The following GABRG3 variants were observed in gnomAD, a reference collection of about 807,000 sequenced individuals.
The protein encoded by GABRG3 is gamma-aminobutyric acid receptor subunit gamma-3.
A neutral mutation model predicts 48.8 loss-of-function variants in GABRG3; 25 were observed. That is an observed-to-expected ratio of 0.51 (90% confidence interval 0.37 to 0.72). The LOEUF is 0.72. Ranked by LOEUF, GABRG3 falls within the 30% of genes least tolerant of loss-of-function variation. GABRG3 has a pLI of 0.00. For missense variants in GABRG3, 394 were observed against 577.9 expected, an observed-to-expected ratio of 0.68 and a Z score of 3.26; for synonymous variants, 227 against 217.6, an observed-to-expected ratio of 1.04 and a Z score of -0.38.
At chr15:27,491,714 C>T (rs1890359133) in intron 6 of GABRG3, among the ~76,000 whole-genome samples, 1 of 152,064 alleles carries the variant, frequency 6.6e-6, no homozygotes, top group South Asian at 2.1e-4. Context: ...AATGTCTATT[C>T]CTCAAAGAAG....
At chr15:27,393,920 A>T (rs1394665045) in intron 5 of GABRG3, among the ~76,000 whole-genome samples, 1 of 152,194 alleles carries the variant, frequency 6.6e-6, no homozygotes, top group Non-Finnish European at 1.5e-5. Flanking sequence ...ATAAATTATC[A>T]TTATTGGATT....
chr15:27,353,723 G>T (rs142381906), intron 5 of GABRG3, among the ~76,000 whole-genome samples: 1,550 of 152,248 alleles, frequency 0.01, 29 homozygotes, highest in African/African-American at 0.035. Context: ...GATTACAGGG[G>T]TGAGCCGTGG....
chr15:27,439,481 G>A (rs1283862488), intron 5 of GABRG3, among the ~76,000 whole-genome samples: 2 of 151,978 alleles, frequency 1.3e-5, no homozygotes, highest in Non-Finnish European at 2.9e-5. Context: ...TCCCCCTACA[G>A]ACAAACACTA....
intron 3 of GABRG3, among the ~76,000 whole-genome samples, chr15:27,251,128 C>T (rs1402195522): frequency 1.3e-5 from 2 of 152,182 alleles, no homozygotes; most frequent in African/African-American, 4.8e-5. Context: ...GGAAGGTCAA[C>T]CTTGTTGTTC....
At chr15:27,127,307 T>A (rs1897838151) in intron 3 of GABRG3, among the ~76,000 whole-genome samples, 1 of 152,154 alleles carries the variant, frequency 6.6e-6, no homozygotes, top group Non-Finnish European at 1.5e-5. Context: ...ATAATATGCA[T>A]GAACCTTGAG....
At chr15:27,416,844 C>G (rs112597481) in intron 5 of GABRG3, among the ~76,000 whole-genome samples, 50 of 152,302 alleles carry the variant, frequency 3.3e-4, no homozygotes, top group African/African-American at 1.1e-3. Flanking sequence ...AGAAGAGTTA[C>G]TGATTTTCAG....
At chr15:27,320,192 A>G (rs550154056) in intron 3 of GABRG3, among the ~76,000 whole-genome samples, 69 of 152,310 alleles carry the variant, frequency 4.5e-4, no homozygotes, top group Non-Finnish European at 7.9e-4. Context: ...ACTGCTTGTG[A>G]TATTTACAAG....
chr15:27,361,378 T>C (rs1460007308), intron 5 of GABRG3, among the ~76,000 whole-genome samples: 3 of 152,182 alleles, frequency 2.0e-5, no homozygotes, highest in African/African-American at 7.2e-5. Context: ...GCCTTGGGAT[T>C]CTGAATTAAC....
chr15:27,411,062 A>G (rs752349765), intron 5 of GABRG3, among the ~76,000 whole-genome samples: 1 of 152,112 alleles, frequency 6.6e-6, no homozygotes, highest in Non-Finnish European at 1.5e-5. Context: ...ATAGATCTTC[A>G]GTTAGATATT....
intron 3 of GABRG3, among the ~76,000 whole-genome samples, chr15:27,034,757 A>C (rs983627056): frequency 6.6e-6 from 1 of 152,164 alleles, no homozygotes; most frequent in Non-Finnish European, 1.5e-5. Context: ...GCCCTTGTAA[A>C]TATGTGTCAA....
chr15:26,985,481 A>T (rs1018611061), intron 2 of GABRG3, among the ~76,000 whole-genome samples: 7 of 152,202 alleles, frequency 4.6e-5, no homozygotes, highest in African/African-American at 1.4e-4. Context: ...CTTGAATTAT[A>T]ATTTTTAAAT....
At chr15:27,350,171 C>T (rs1464228717) in intron 5 of GABRG3, 4 of 455,938 alleles carry the variant, frequency 8.8e-6, no homozygotes, top group African/African-American at 2.0e-5. Flanking sequence ...ATATCGCTGA[C>T]GTTTAAAAGT....
intron 3 of GABRG3, among the ~76,000 whole-genome samples, chr15:27,194,336 T>G (rs1445907954): frequency 2.0e-5 from 3 of 152,362 alleles, no homozygotes; most frequent in African/African-American, 4.8e-5. Flanking sequence ...ATTTTTATCC[T>G]TACTCTTACA....
chr15:27,086,320 T>A (rs115172905), intron 3 of GABRG3, among the ~76,000 whole-genome samples: 1 of 150,292 alleles, frequency 6.7e-6, no homozygotes, highest in African/African-American at 2.5e-5. Context: ...CAGGTCAGAG[T>A]TCTGCGCATT....
chr15:27,200,800 G>A (rs897422953), intron 3 of GABRG3, among the ~76,000 whole-genome samples: 3 of 152,110 alleles, frequency 2.0e-5, no homozygotes, highest in Admixed American at 1.3e-4. Flanking sequence ...TCGAGCCCAG[G>A]TGTGCTACCC....
chr15:27,484,649 A>G (rs957037068), intron 6 of GABRG3, among the ~76,000 whole-genome samples: 6 of 152,140 alleles, frequency 3.9e-5, no homozygotes, highest in African/African-American at 1.4e-4. Context: ...GAGAAGTGGC[A>G]GATTGTGAGG....
intron 3 of GABRG3, among the ~76,000 whole-genome samples, chr15:27,220,363 A>G (rs1479868675): frequency 3.3e-5 from 5 of 152,170 alleles, no homozygotes; most frequent in African/African-American, 4.8e-5. Flanking sequence ...ACCTTAACAT[A>G]TGGTAGTTAG....
chr15:27,302,692 C>T (rs1197224845), intron 3 of GABRG3, among the ~76,000 whole-genome samples: 2 of 151,904 alleles, frequency 1.3e-5, no homozygotes, highest in African/African-American at 2.4e-5. Flanking sequence ...GGCACAAGTG[C>T]CCATAGTTCA....
chr15:27,209,382 T>C (rs1277861081), intron 3 of GABRG3, among the ~76,000 whole-genome samples: 2 of 151,986 alleles, frequency 1.3e-5, no homozygotes, highest in African/African-American at 4.8e-5. Flanking sequence ...TTCTTTTCTT[T>C]TCTTTCTTTC....
Sources: allele counts gnomAD v4.1 joint callset (sites outside exome capture counted in the v4.1 genomes callset), GRCh38; gene constraint gnomAD v4.1.1; transcripts MANE v1.5; gene names NCBI Gene and HGNC (gene_info 2026-07-23, HGNC 2026-07-21).